The following SMYD3 variants were observed in gnomAD, a reference collection of about 807,000 sequenced individuals.
SMYD3 encodes histone-lysine N-methyltransferase SMYD3.
In SMYD3, 36 loss-of-function variants were observed where a neutral mutation model predicts 57.7. That is an observed-to-expected ratio of 0.62 (90% CI 0.48 to 0.82). SMYD3 has a LOEUF of 0.82. SMYD3 is among the 40% of genes least tolerant of loss of function. The pLI is 0.00. For synonymous variants in SMYD3, 211 were observed against 195.0 expected (o/e 1.08, Z -0.68); for missense variants, 515 against 538.8 (o/e 0.96, Z 0.44).
intron 5 of SMYD3, among the ~76,000 whole-genome samples, chr1:246,239,071 T>C (rs907086252): frequency 6.6e-6 from 1 of 152,154 alleles, no homozygotes; most frequent in African/African-American, 2.4e-5. Flanking sequence ...AGCAGGACAG[T>C]GTGTACTACA....
intron 5 of SMYD3, among the ~76,000 whole-genome samples, chr1:245,954,466 A>G (rs2057766346): frequency 6.6e-6 from 1 of 152,118 alleles, no homozygotes; most frequent in African/African-American, 2.4e-5. Context: ...TTGAGCCTAG[A>G]TGTTTGAGAC....
chr1:246,166,908 A>G (rs186868646), intron 5 of SMYD3, among the ~76,000 whole-genome samples: 244 of 152,282 alleles, frequency 1.6e-3, no homozygotes, highest in Non-Finnish European at 2.4e-3. Flanking sequence ...TACAGAGGAA[A>G]ACTCGATACC....
At chr1:245,984,488 G>C (rs1216090436) in intron 5 of SMYD3, among the ~76,000 whole-genome samples, 1 of 152,206 alleles carries the variant, frequency 6.6e-6, no homozygotes, top group Non-Finnish European at 1.5e-5. Context: ...GGATCCCACT[G>C]TTCCTCTTCA....
At chr1:245,811,232 T>C (rs1038858698) in intron 10 of SMYD3, among the ~76,000 whole-genome samples, 1 of 152,208 alleles carries the variant, frequency 6.6e-6, no homozygotes, top group Non-Finnish European at 1.5e-5. Flanking sequence ...CTCTTATTTA[T>C]AGATCAAACA....
chr1:246,481,708 T>A (rs1285640794), intron 1 of SMYD3, among the ~76,000 whole-genome samples: 1 of 144,646 alleles, frequency 6.9e-6, no homozygotes, highest in Non-Finnish European at 1.5e-5. Flanking sequence ...TCATATATGA[T>A]TATATATATA....
rs575981922 is a variant in SMYD3 at position 246,231,183 on chromosome 1, T to C, written c.531+96018A>G. Among the ~76,000 whole-genome samples, 4 of 152,284 alleles carry C rather than the reference T, an allele frequency of 2.6e-5. No individual in the cohort carries two copies. The South Asian group carries it at 8.3e-4, about 32-fold the overall frequency. ...TGAAAGCAGTCTTATTCTCTAAAAC[T>C]ATCCATCATTCTTACTCTTCTCTCT... On this transcript the variant is annotated intron_variant, in intron 5 of 11. Transcript: ENST00000490107.
intron 10 of SMYD3, among the ~76,000 whole-genome samples, chr1:245,804,712 G>A (rs2048055628): frequency 6.6e-6 from 1 of 151,714 alleles, no homozygotes; most frequent in Admixed American, 6.6e-5. Context: ...CCCCTTTTTT[G>A]CCCTTTTGCA....
intron 10 of SMYD3, among the ~76,000 whole-genome samples, chr1:245,853,648 A>G (rs1252095094): frequency 2.6e-5 from 4 of 152,230 alleles, no homozygotes; most frequent in Non-Finnish European, 5.9e-5. Flanking sequence ...AGCCTGCTTG[A>G]AAACAGTAGA....
At chr1:246,485,871 C>T (rs2068179957) in intron 1 of SMYD3, among the ~76,000 whole-genome samples, 1 of 152,190 alleles carries the variant, frequency 6.6e-6, no homozygotes, top group African/African-American at 2.4e-5. Flanking sequence ...CAAGATATAA[C>T]TTCTCTGAAC....
intron 5 of SMYD3, among the ~76,000 whole-genome samples, chr1:246,185,378 A>G (rs1289405280): frequency 6.6e-6 from 1 of 150,742 alleles, no homozygotes; most frequent in Non-Finnish European, 1.5e-5. Context: ...CTGGGACTGC[A>G]GGTGCCCGCC....
At chr1:246,341,850 T>C (rs960814778) in intron 2 of SMYD3, among the ~76,000 whole-genome samples, 2 of 152,144 alleles carry the variant, frequency 1.3e-5, no homozygotes, top group Non-Finnish European at 2.9e-5. Context: ...GGGTAGCTCA[T>C]TATTGTTTGG....
chr1:245,960,231 G>T (rs1383774326), intron 5 of SMYD3, among the ~76,000 whole-genome samples: 1 of 152,214 alleles, frequency 6.6e-6, no homozygotes, highest in Non-Finnish European at 1.5e-5. Flanking sequence ...TTGATGCAAA[G>T]ATCTGTGATA....
intron 5 of SMYD3, among the ~76,000 whole-genome samples, chr1:246,271,853 G>A (rs373068838): frequency 1.1e-4 from 17 of 151,988 alleles, no homozygotes; most frequent in African/African-American, 3.4e-4. Flanking sequence ...ATTTTGATAG[G>A]GAACGCATTG....
rs575619954 is a variant in SMYD3 at position 245,770,645 on chromosome 1, C to A, written c.1077-6496G>T. ...CCCGGCATACAAAAAGACAAGAACT[C>A]TCTGAAAACCAAGAAGAACAATATA... On this transcript the variant is annotated intron_variant, in intron 10 of 11. Coordinates refer to ENST00000490107, the MANE Select transcript of SMYD3 (RefSeq NM_001167740.2). Among the ~76,000 whole-genome samples, 47 of 152,278 alleles carry A rather than the reference C, an allele frequency of 3.1e-4. No individual in the cohort carries two copies. The South Asian group carries it at 8.7e-3, about 28-fold the overall frequency.
chr1:246,281,400 T>C (rs1245023701), intron 5 of SMYD3, among the ~76,000 whole-genome samples: 1 of 152,218 alleles, frequency 6.6e-6, no homozygotes, highest in Non-Finnish European at 1.5e-5. Context: ...CCACACACTA[T>C]CACATTTACC....
chr1:245,915,744 T>G (rs1389600405), intron 7 of SMYD3, 104 bp from the exon 8 acceptor site: 2 of 668,430 alleles, frequency 3.0e-6, no homozygotes, highest in Non-Finnish European at 4.9e-6. Flanking sequence ...CTTGTTTTTA[T>G]TATAAACCAA....
intron 1 of SMYD3, among the ~76,000 whole-genome samples, chr1:246,379,113 C>CACACATAT (rs143967247): frequency 7.1e-6 from 1 of 139,924 alleles, no homozygotes; most frequent in Non-Finnish European, 1.5e-5. Flanking sequence ...CACACACACA[C>CACACATAT]ATATATTCCA....
At chr1:246,219,425 C>T (rs2063216495) in intron 5 of SMYD3, among the ~76,000 whole-genome samples, 1 of 152,062 alleles carries the variant, frequency 6.6e-6, no homozygotes, top group Admixed American at 6.6e-5. Context: ...ACCTTCCTGC[C>T]CCATCCCCTT....
intron 5 of SMYD3, among the ~76,000 whole-genome samples, chr1:246,252,190 T>TGTGCCCGGCTTTAGTAGGTGCCG (rs2063807680): frequency 3.2e-5 from 3 of 92,684 alleles, no homozygotes; most frequent in Admixed American, 1.1e-4. Flanking sequence ...AGTAGGTGCC[T>TGTGCCCGGCTTTAGTAGGTGCCG]CGGACACTGT....
Sources: gnomAD v4.1 joint callset for allele counts (sites outside exome capture counted in the v4.1 genomes callset) on GRCh38, gnomAD v4.1.1 for gene constraint, MANE v1.5 for transcripts, NCBI Gene and HGNC (gene_info 2026-07-23, HGNC 2026-07-21) for gene names.